Variants in CAST observed in about 807,000 individuals in gnomAD.
CAST encodes calpastatin.
Under a neutral mutation model 119.6 loss-of-function variants are expected in CAST, and 76 were observed. The ratio of observed to expected loss-of-function variants is 0.64; its 90% CI spans 0.53 to 0.77. The LOEUF (loss-of-function observed/expected upper bound fraction) is 0.77, where lower values mean the gene tolerates loss of function less well. Ranked by LOEUF, CAST falls within the 30% of genes least tolerant of loss-of-function variation. CAST has a pLI of 0.00. For missense variants in CAST, 953 were observed against 946.5 expected, an observed-to-expected ratio of 1.01 and a Z score of -0.09; for synonymous variants, 319 against 331.6, an observed-to-expected ratio of 0.96 and a Z score of 0.41.
chr5:96,464,829 G>A, the CAST span, among the ~76,000 whole-genome samples: 1 of 152,004 alleles, frequency 6.6e-6, no homozygotes, highest in African/African-American at 2.4e-5. Flanking sequence ...ATTTGTAATG[G>A]CCTTGACATC....
chr5:96,721,070 T>C (rs1297389768), intron 3 of CAST, among the ~76,000 whole-genome samples: 2 of 152,216 alleles, frequency 1.3e-5, no homozygotes, highest in Non-Finnish European at 2.9e-5. Flanking sequence ...GATATTCATA[T>C]ATTTATCCAT....
chr5:96,616,389 G>A (rs1369593549), intron 1 of CAST, among the ~76,000 whole-genome samples: 1 of 152,174 alleles, frequency 6.6e-6, no homozygotes, highest in East Asian at 1.9e-4. Context: ...AAGAGTCAGA[G>A]ACAGAAAGCA....
intron 18 of CAST, among the ~76,000 whole-genome samples, chr5:96,748,247 A>G (rs1323028319): frequency 2.0e-5 from 3 of 152,248 alleles, no homozygotes; most frequent in Non-Finnish European, 4.4e-5. Flanking sequence ...TTATTTGAAC[A>G]AAATTCTTCT....
the CAST span, among the ~76,000 whole-genome samples, chr5:96,103,295 C>T: frequency 1.3e-5 from 2 of 151,134 alleles, no homozygotes. Context: ...GTGTGCTGCA[C>T]CCATTAACTC....
At chr5:96,415,968 T>C in the CAST span, 4 of 1,024,292 alleles carry the variant, frequency 3.9e-6, no homozygotes, top group Non-Finnish European at 6.2e-6. Flanking sequence ...CCCTCCCCCA[T>C]TTACAATGGG....
chr5:96,441,389 C>T, the CAST span, among the ~76,000 whole-genome samples: 2 of 152,032 alleles, frequency 1.3e-5, no homozygotes, highest in Non-Finnish European at 2.9e-5. Context: ...CCCATAAGCC[C>T]GTTGAGAGAG....
the CAST span, among the ~76,000 whole-genome samples, chr5:96,424,121 A>G: frequency 6.6e-6 from 1 of 152,246 alleles, no homozygotes; most frequent in South Asian, 2.1e-4. Flanking sequence ...ACACAGATAT[A>G]AGCACATTTC....
the CAST span, among the ~76,000 whole-genome samples, chr5:96,195,200 G>A: frequency 6.6e-6 from 1 of 152,158 alleles, no homozygotes; most frequent in Non-Finnish European, 1.5e-5. Flanking sequence ...CTAGAGATGT[G>A]ATTACCCTCC....
chr5:96,560,174 T>A (rs1034023795), intron 1 of CAST, among the ~76,000 whole-genome samples: 15 of 151,984 alleles, frequency 9.9e-5, no homozygotes, highest in Non-Finnish European at 1.8e-4. Flanking sequence ...TGAAACTGGA[T>A]CCCTTCCTTA....
At chr5:96,666,051 C>T (rs1749294994) in intron 1 of CAST, among the ~76,000 whole-genome samples, 1 of 152,050 alleles carries the variant, frequency 6.6e-6, no homozygotes. Context: ...TTTGTGGAAT[C>T]CTTTAAGTAC....
At chr5:96,206,478 G>A in the CAST span, among the ~76,000 whole-genome samples, 1 of 151,974 alleles carries the variant, frequency 6.6e-6, no homozygotes, top group African/African-American at 2.4e-5. Flanking sequence ...GTTGATTTTT[G>A]TATATGGTAT....
At chr5:96,115,261 T>C in the CAST span, among the ~76,000 whole-genome samples, 534 of 152,378 alleles carry the variant, frequency 3.5e-3, 2 homozygotes, top group African/African-American at 4.6e-3. Context: ...CCTTGTGATA[T>C]GTTGTTATTC....
the CAST span, among the ~76,000 whole-genome samples, chr5:96,351,339 T>A: frequency 6.6e-6 from 1 of 152,142 alleles, no homozygotes; most frequent in Non-Finnish European, 1.5e-5. Context: ...GGCGGTGGCA[T>A]GCGTGTCCTT....
At chr5:96,520,074 C>T in the CAST span, among the ~76,000 whole-genome samples, 1 of 152,208 alleles carries the variant, frequency 6.6e-6, no homozygotes, top group Non-Finnish European at 1.5e-5. Flanking sequence ...CCCTGATGTC[C>T]AAGATCCCCT....
chr5:96,257,330 G>A, the CAST span, among the ~76,000 whole-genome samples: 4 of 152,098 alleles, frequency 2.6e-5, no homozygotes, highest in East Asian at 7.7e-4. Flanking sequence ...TAACTCTATT[G>A]GGTTCTGATC....
At chr5:96,303,407 A>G in the CAST span, among the ~76,000 whole-genome samples, 1 of 152,292 alleles carries the variant, frequency 6.6e-6, no homozygotes, top group Non-Finnish European at 1.5e-5. Flanking sequence ...AATACATAAC[A>G]TCATGTCATC....
In CAST at chr5:96,645,861, A is replaced by C. The variant is rs577024201; in HGVS notation, c.61-29678A>C. ...AGATTAATAAATTTGACTAAATTAAAATTTTAAAAATATGTATAATATTTT... is the reference window on the plus strand; with the variant it reads ...AGATTAATAAATTTGACTAAATTAACATTTTAAAAATATGTATAATATTTT... On this transcript the variant is annotated intron_variant, in intron 1 of 11. Coordinates refer to the CAST transcript ENST00000505143. Among the ~76,000 whole-genome samples the C allele has an allele frequency of 2.6e-5, 4 of 151,382 alleles. No homozygotes were observed. In the South Asian group the frequency reaches 8.3e-4, roughly 31 times the overall value.
chr5:96,396,046 G>A, the CAST span, among the ~76,000 whole-genome samples: 2 of 152,122 alleles, frequency 1.3e-5, no homozygotes, highest in Non-Finnish European at 2.9e-5. Flanking sequence ...TGGTGAAATT[G>A]AGTTGAAGAA....
the CAST span, among the ~76,000 whole-genome samples, chr5:96,073,188 T>A: frequency 3.3e-5 from 5 of 152,310 alleles, no homozygotes; most frequent in South Asian, 1.0e-3. Context: ...TAATACAAGT[T>A]GTGTTTTATT....
Sources: allele counts gnomAD v4.1 joint callset (sites outside exome capture counted in the v4.1 genomes callset), GRCh38; gene constraint gnomAD v4.1.1; transcripts MANE v1.5; gene names NCBI Gene and HGNC (gene_info 2026-07-23, HGNC 2026-07-21).